The following SOHLH2 variants were observed in gnomAD, a reference collection of about 807,000 sequenced individuals.
SOHLH2 encodes the protein spermatogenesis- and oogenesis-specific basic helix-loop-helix-containing protein 2.
Under a neutral mutation model 50.4 loss-of-function variants are expected in SOHLH2, and 22 were observed. The ratio of observed to expected loss-of-function variants is 0.44; its 90% CI spans 0.31 to 0.62. SOHLH2 has a LOEUF of 0.62. Ranked by LOEUF, SOHLH2 falls within the 20% of genes least tolerant of loss-of-function variation. The probability of loss-of-function intolerance (pLI) is 0.08; values close to 1 mark genes in which losing one functional copy is unlikely to be tolerated. For missense variants in SOHLH2, 412 were observed against 504.4 expected, an observed-to-expected ratio of 0.82 and a Z score of 1.76; for synonymous variants, 185 against 187.3, an observed-to-expected ratio of 0.99 and a Z score of 0.10.
intron 6 of SOHLH2, among the ~76,000 whole-genome samples, chr13:36,184,459 CCTT>C (rs1887347934): frequency 4.9e-5 from 4 of 81,662 alleles, no homozygotes. Flanking sequence ...CCTACAAAGA[CCTT>C]TTTTTTTTTT....
At chr13:36,184,002 T>C (rs1022150933) in intron 6 of SOHLH2, among the ~76,000 whole-genome samples, 1 of 152,188 alleles carries the variant, frequency 6.6e-6, no homozygotes, top group Non-Finnish European at 1.5e-5. Flanking sequence ...CACTATTGAC[T>C]AATTCTACCT....
chr13:36,206,054 T>A (rs1197442266), intron 1 of SOHLH2, among the ~76,000 whole-genome samples: 1 of 152,020 alleles, frequency 6.6e-6, no homozygotes, highest in African/African-American at 2.4e-5. Flanking sequence ...TATAAATGTT[T>A]ATTTTTTTCT....
At chr13:36,185,049 G>T (rs1887377010) in intron 6 of SOHLH2, among the ~76,000 whole-genome samples, 1 of 152,110 alleles carries the variant, frequency 6.6e-6, no homozygotes, top group Non-Finnish European at 1.5e-5. Context: ...GTGTTAGTTT[G>T]CTGAGAATGC....
At chr13:36,176,598 A>AAC (rs1887102684) in intron 6 of SOHLH2, among the ~76,000 whole-genome samples, 2 of 151,400 alleles carry the variant, frequency 1.3e-5, no homozygotes, top group Non-Finnish European at 2.9e-5. Context: ...TATGTTTTAT[A>AAC]ATATATATAT....
At chr13:36,196,152 G>A (rs1200148531) in intron 2 of SOHLH2, among the ~76,000 whole-genome samples, 1 of 146,888 alleles carries the variant, frequency 6.8e-6, no homozygotes, top group African/African-American at 2.6e-5. Flanking sequence ...TTGAGACAAG[G>A]TCTTGCTTTG....
intron 2 of SOHLH2, among the ~76,000 whole-genome samples, chr13:36,195,680 G>A (rs970171334): frequency 1.3e-5 from 2 of 152,172 alleles, no homozygotes; most frequent in African/African-American, 4.8e-5. Flanking sequence ...TGATGGTAAG[G>A]AAAGCGGGCA....
At chr13:36,189,826 T>C in intron 6 of SOHLH2, 120 bp downstream of exon 6, 1 of 981,920 alleles carries the variant, frequency 1.0e-6, no homozygotes, top group Non-Finnish European at 1.4e-6. Flanking sequence ...GTGGCATCTA[T>C]TTGTTTGCTA....
At chr13:36,175,467 A>G (rs1566035787) in intron 6 of SOHLH2, among the ~76,000 whole-genome samples, 1 of 152,244 alleles carries the variant, frequency 6.6e-6, no homozygotes, top group Non-Finnish European at 1.5e-5. Context: ...ACCAGGATGC[A>G]GGTATCAGAA....
chr13:36,183,814 A>G (rs943325344), intron 6 of SOHLH2, among the ~76,000 whole-genome samples: 1 of 152,222 alleles, frequency 6.6e-6, no homozygotes, highest in Admixed American at 6.5e-5. Context: ...ACTAGCATAG[A>G]AAAATTAGCA....
chr13:36,169,072 A>T lies in SOHLH2; in HGVS notation c.1258-18T>A. ...AACTGTTGCTGCAAAGAAGGGGGAA[A>T]AACCCACATTAATTGAATCCTCACC... is the stretch of plus-strand genomic sequence containing the variant. On this transcript the variant is annotated intron_variant, in intron 10 of 10. Transcript: ENST00000379881. 1 of 1,604,960 alleles carries T rather than the reference A, an allele frequency of 6.2e-7. No individual in the cohort carries two copies. The highest frequency in any genetic ancestry group is 2.3e-5 in the East Asian group (1 of 44,334).
intron 1 of SOHLH2, 65 bp from the exon 2 acceptor site, chr13:36,202,158 T>C (rs1868458311): frequency 1.5e-5 from 23 of 1,577,396 alleles, no homozygotes; most frequent in Non-Finnish European, 2.0e-5. Flanking sequence ...ATGTCATGTA[T>C]GAGAGGATAA....
At chr13:36,214,235 A>G (rs193056254) in intron 1 of SOHLH2, among the ~76,000 whole-genome samples, 1,614 of 151,552 alleles carry the variant, frequency 0.011, 29 homozygotes, top group African/African-American at 0.037. Context: ...CCCCAACCTC[A>G]GGCCCCAAGG....
chr13:36,205,958 T>C (rs929244802), intron 1 of SOHLH2, among the ~76,000 whole-genome samples: 3 of 151,976 alleles, frequency 2.0e-5, no homozygotes, highest in Non-Finnish European at 4.4e-5. Flanking sequence ...CCATTTCATA[T>C]GGAGTTTTTA....
Position 36,191,804 on chromosome 13 carries a change from A to C in SOHLH2, c.521T>G (p.Leu174Arg). The C allele has an allele frequency of 6.2e-7, 1 of 1,613,872 alleles. No homozygotes were observed. The highest frequency in any genetic ancestry group is 1.3e-5 in the African/African-American group (1 of 75,048). ...AGAACAAAAAACTAACCAGGCAAAT[A>C]GATCAGTAGGAAAATATCCCAGGTG... ...SEHLGYFPTD[L>R]FACSESLRNG... Residue 174 changes from leucine to arginine, a missense_variant, in exon 5 of 11, where the codon CTA (leucine) becomes CGA (arginine). Transcript: ENST00000379881.
At position 36,174,653 on chromosome 13, in the gene SOHLH2, A is replaced by G. The variant is rs555640982; in HGVS notation, c.789+69T>C. ...CATACTTTCCAATGATAAAAAATTA[A>G]AAGAAGTAAAATTGTAGTATTAAAG... On this transcript the variant is annotated intron_variant, in intron 7 of 10. Transcript: ENST00000379881. The G allele has an allele frequency of 2.5e-6, 4 of 1,597,532 alleles. No homozygotes were observed. In the South Asian group the frequency reaches 3.4e-5, roughly 14 times the overall value.
chr13:36,177,082 A>T (rs1347225797), intron 6 of SOHLH2, among the ~76,000 whole-genome samples: 3 of 152,038 alleles, frequency 2.0e-5, no homozygotes, highest in Non-Finnish European at 4.4e-5. Context: ...ACCATCCCCT[A>T]ACCCCATAAA....
In SOHLH2 at chr13:36,214,509, G is replaced by A. The variant is rs1869325881; in HGVS notation, c.18C>T (p.Ile6=). 1.9e-6 allele frequency: 3 copies of A among 1,612,746 alleles called. No homozygotes were observed. Among genetic ancestry groups the A allele is most frequent in the Non-Finnish European group, 2.5e-6 (3 of 1,179,518 alleles). Residue 6 remains isoleucine (I), a synonymous_variant, in exon 1 of 11, where the codon ATC becomes ATT. Transcript: ENST00000379881. MASSI[I]CQEHCQISGQ... ...CCGAGATCTGGCAGTGCTCCTGGCA[G>A]ATAATTGAGGAAGCCATGGCCGCTG... is the stretch of plus-strand genomic sequence containing the variant.
intron 4 of SOHLH2, among the ~76,000 whole-genome samples, chr13:36,193,197 G>T (rs1887624960): frequency 6.6e-6 from 1 of 152,098 alleles, no homozygotes; most frequent in South Asian, 2.1e-4. Context: ...GAAACAGAAA[G>T]GGCAACCACC....
At chr13:36,193,538 T>TA in intron 4 of SOHLH2, 83 bp downstream of exon 4, 1 of 1,381,948 alleles carries the variant, frequency 7.2e-7, no homozygotes, top group East Asian at 2.4e-5. Flanking sequence ...ATTTTATTTA[T>TA]GCTTGTTTTT....
Sources: allele counts gnomAD v4.1 joint callset (sites outside exome capture counted in the v4.1 genomes callset), GRCh38; gene constraint gnomAD v4.1.1; transcripts MANE v1.5; gene names NCBI Gene and HGNC (gene_info 2026-07-23, HGNC 2026-07-21).